The following DYM variants were observed in gnomAD, a reference collection of about 807,000 sequenced individuals.
DYM encodes the protein dymeclin.
A neutral mutation model predicts 93.1 loss-of-function variants in DYM; 78 were observed. The ratio of observed to expected loss-of-function variants is 0.84; its 90% CI spans 0.70 to 1.01. The LOEUF is 1.01. Ranked by LOEUF, DYM falls within the 50% of genes least tolerant of loss-of-function variation. The pLI is 0.00. For missense variants in DYM, 789 were observed against 845.0 expected, an observed-to-expected ratio of 0.93 and a Z score of 0.82; for synonymous variants, 321 against 319.7, an observed-to-expected ratio of 1.00 and a Z score of -0.04.
At position 49,281,575 on chromosome 18, in the gene DYM, T is replaced by C. The variant is rs1048416425; in HGVS notation, c.1125+422A>G. Among the ~76,000 whole-genome samples the C allele has an allele frequency of 2.0e-4, 31 of 152,256 alleles. 1 individual carries two copies. The highest frequency in any genetic ancestry group is 1.9e-3 in the Admixed American group (29 of 15,298). On this transcript the variant is annotated intron_variant, in intron 10 of 17. Coordinates refer to ENST00000675505, the MANE Select transcript of DYM (RefSeq NM_001353214.3). ...AGCCAAATGTCCAACAATGATAGAC[T>C]GGATTAAGAAAATGTGGCACATATA... is the stretch of plus-strand genomic sequence containing the variant.
At chr18:49,274,757 T>G (rs1039016396) in intron 10 of DYM, among the ~76,000 whole-genome samples, 3 of 152,158 alleles carry the variant, frequency 2.0e-5, no homozygotes, top group Non-Finnish European at 4.4e-5. Flanking sequence ...TTTTCATGGG[T>G]GTATTACTAG....
chr18:49,198,861 A>G (rs1600560055), intron 14 of DYM, among the ~76,000 whole-genome samples: 3 of 151,922 alleles, frequency 2.0e-5, no homozygotes, highest in South Asian at 2.1e-4. Context: ...CATTTGACCC[A>G]GCCATCCCAT....
At chr18:49,235,426 A>G (rs2093830597) in intron 13 of DYM, among the ~76,000 whole-genome samples, 1 of 151,398 alleles carries the variant, frequency 6.6e-6, no homozygotes, top group East Asian at 1.9e-4. Flanking sequence ...AGAATAACAG[A>G]AGCTAAAGTG....
At chr18:49,279,135 A>T (rs1173480193) in intron 10 of DYM, among the ~76,000 whole-genome samples, 1 of 152,214 alleles carries the variant, frequency 6.6e-6, no homozygotes, top group Non-Finnish European at 1.5e-5. Context: ...ACCAACTAAA[A>T]ATGTACTATA....
intron 14 of DYM, among the ~76,000 whole-genome samples, chr18:49,171,947 T>G (rs1178952835): frequency 1.3e-5 from 2 of 152,228 alleles, no homozygotes; most frequent in Non-Finnish European, 2.9e-5. Flanking sequence ...AACATTCATG[T>G]AATCCATCAC....
intron 17 of DYM, among the ~76,000 whole-genome samples, chr18:49,091,822 T>C (rs1262644709): frequency 6.6e-6 from 1 of 152,060 alleles, no homozygotes; most frequent in Non-Finnish European, 1.5e-5. Flanking sequence ...ATCACATTGG[T>C]CAGGCTGGTC....
At chr18:49,278,523 C>T (rs1451922010) in intron 10 of DYM, among the ~76,000 whole-genome samples, 2 of 152,136 alleles carry the variant, frequency 1.3e-5, no homozygotes, top group South Asian at 4.1e-4. Flanking sequence ...CTTCCCTTTA[C>T]CTTTGTGGCT....
At chr18:49,316,931 T>C (rs1247843409) in intron 8 of DYM, among the ~76,000 whole-genome samples, 1 of 152,234 alleles carries the variant, frequency 6.6e-6, no homozygotes, top group Non-Finnish European at 1.5e-5. Context: ...TTCCACTTTA[T>C]GAATGTACCA....
chr18:49,384,726 A>G (rs2068420357), intron 3 of DYM, among the ~76,000 whole-genome samples: 1 of 151,980 alleles, frequency 6.6e-6, no homozygotes, highest in Non-Finnish European at 1.5e-5. Context: ...GCTAAAACAT[A>G]CACTACAATA....
At chr18:49,258,777 CAT>C (rs2094435196) in intron 11 of DYM, among the ~76,000 whole-genome samples, 1 of 86,998 alleles carries the variant, frequency 1.1e-5, no homozygotes, top group Non-Finnish European at 2.3e-5. Context: ...ACCTAGGGAT[CAT>C]AGACACACAC....
At chr18:49,093,617 G>T (rs1377535907) in intron 17 of DYM, among the ~76,000 whole-genome samples, 2 of 152,152 alleles carry the variant, frequency 1.3e-5, no homozygotes, top group Non-Finnish European at 2.9e-5. Flanking sequence ...TTAGAGGGAG[G>T]ATGCTGGCTA....
intron 14 of DYM, among the ~76,000 whole-genome samples, chr18:49,186,907 G>A (rs577481019): frequency 7.8e-4 from 118 of 150,402 alleles, no homozygotes; most frequent in African/African-American, 2.9e-3. Context: ...ATTCACTGCC[G>A]GTACACAATC....
chr18:49,107,383 T>C (rs1037230764), intron 16 of DYM, among the ~76,000 whole-genome samples: 103 of 152,358 alleles, frequency 6.8e-4, no homozygotes, highest in African/African-American at 2.4e-3. Flanking sequence ...AATTTGATCA[T>C]CTGAAGCCTT....
At chr18:49,252,285 A>G (rs2094308277) in intron 13 of DYM, among the ~76,000 whole-genome samples, 1 of 146,090 alleles carries the variant, frequency 6.8e-6, no homozygotes, top group South Asian at 2.2e-4. Flanking sequence ...AAGAGGTTTC[A>G]TTGACTCACA....
chr18:49,120,988 G>A (rs1287489677), intron 15 of DYM, among the ~76,000 whole-genome samples: 2 of 151,972 alleles, frequency 1.3e-5, no homozygotes, highest in Non-Finnish European at 2.9e-5. Context: ...CTCTGCCTCT[G>A]TTTTCTTAAA....
chr18:49,449,986 C>G (rs1317325271), intron 1 of DYM, among the ~76,000 whole-genome samples: 1 of 152,004 alleles, frequency 6.6e-6, no homozygotes, highest in Non-Finnish European at 1.5e-5. Context: ...GTTTTATATG[C>G]AAGGCTTATA....
At chr18:49,208,307 C>A (rs1198145445) in intron 14 of DYM, among the ~76,000 whole-genome samples, 1 of 152,104 alleles carries the variant, frequency 6.6e-6, no homozygotes, top group Non-Finnish European at 1.5e-5. Context: ...GTCTCCAATT[C>A]CTGAGAGTAT....
In DYM at chr18:49,415,342, A is replaced by AAAAT. The variant is rs1555734876; in HGVS notation, c.140+14912_140+14913insATTT. Among the ~76,000 whole-genome samples, 226 of 144,232 alleles carry AAAAT rather than the reference A, an allele frequency of 1.6e-3. 4 individuals carry two copies. Among genetic ancestry groups the AAAAT allele is most frequent in the East Asian group, 4.9e-3 (23 of 4,710 alleles). 94.6% of individuals were successfully genotyped at this position (144,232 alleles called of 152,430 possible). A position where few individuals can be genotyped will look rare whatever the true frequency, so the allele number is the denominator to read the frequency against. ...CTCTCAAAAAAAAAAAAAAAAAAAA[A>AAAAT]TTAAAAAAATTTTAAAAATGAGAGA... On this transcript the variant is annotated intron_variant, in intron 2 of 17. Coordinates refer to ENST00000675505, the MANE Select transcript of DYM (RefSeq NM_001353214.3).
rs1186792331 is a variant in DYM at position 49,331,960 on chromosome 18, T to C, written c.667A>G (p.Ile223Val). The change falls in exon 8 of 18, where the codon ATC becomes GTC. Residue 223 changes from isoleucine to valine, a missense_variant. Physicochemically the swap from Ile to Val is conservative, Grantham distance 29. Around this residue, in one of 3 missense-constraint regions of DYM, gnomAD observed 450 missense variants for 436.2 expected, o/e 1.03. Transcript: ENST00000675505. ...KLVKTLLYNF[I>V]RQEKPPPPGA... is the part of the protein sequence containing the mutation. ...GGAGGAGGTGGCTTTTCTTGTCTGA[T>C]AAAGTTATATAATAAGGTCTTCACA... 1.9e-6 allele frequency: 3 copies of C among 1,614,010 alleles called. No individual in the cohort carries two copies. In the Admixed American group the frequency reaches 5.0e-5, roughly 27 times the overall value.
Sources: gnomAD v4.1 joint callset for allele counts (sites outside exome capture counted in the v4.1 genomes callset) on GRCh38, gnomAD v4.1.1 for gene constraint, gnomAD v4.1.1 regional missense constraint, MANE v1.5 for transcripts, NCBI Gene and HGNC (gene_info 2026-07-23, HGNC 2026-07-21) for gene names.